CD163L1: variants seen among roughly 807,000 people sequenced by gnomAD.
The protein encoded by CD163L1 is scavenger receptor cysteine-rich type 1 protein M160.
Under a neutral mutation model 165.4 loss-of-function variants are expected in CD163L1, and 124 were observed. The observed-to-expected ratio is 0.75, with a 90% CI of 0.65 to 0.87. The LOEUF is 0.87. Ranked by LOEUF, CD163L1 falls within the 40% of genes least tolerant of loss-of-function variation. The pLI is 0.00. For synonymous variants in CD163L1, 585 were observed against 662.2 expected, an observed-to-expected ratio of 0.88 and a Z score of 1.79; for missense variants, 1,525 against 1,799.9, an observed-to-expected ratio of 0.85 and a Z score of 2.76.
chr12:7,407,782 T>TACACAC (rs57031012), intron 4 of CD163L1, among the ~76,000 whole-genome samples: 102 of 143,988 alleles, frequency 7.1e-4, no homozygotes, highest in Admixed American at 3.3e-3. Flanking sequence ...CACACATCCA[T>TACACAC]ACACACACAC....
the CD163L1 span, among the ~76,000 whole-genome samples, chr12:7,319,205 C>T: frequency 1.3e-5 from 2 of 152,296 alleles, no homozygotes; most frequent in East Asian, 1.9e-4. Context: ...CTAGATCCCT[C>T]ACATGCACAG....
chr12:7,397,502 T>C lies in CD163L1; in HGVS notation c.1729+762A>G, dbSNP rs75309942. Among the ~76,000 whole-genome samples, 522 of 152,328 alleles carry C rather than the reference T, an allele frequency of 3.4e-3. 1 individual carries two copies. Among genetic ancestry groups the C allele is most frequent in the African/African-American group, 0.012 (506 of 41,564 alleles). ...AATTCTGAAAATTAGGATGGGGCCATAGGGGAAGACCTGATGAGGTTGGGA... is the reference window on the plus strand; with the variant it reads ...AATTCTGAAAATTAGGATGGGGCCACAGGGGAAGACCTGATGAGGTTGGGA... On this transcript the variant is annotated intron_variant, in intron 7 of 19. Transcript: ENST00000313599.
the CD163L1 span, chr12:7,324,279 C>A: frequency 6.2e-7 from 1 of 1,612,292 alleles, no homozygotes; most frequent in Non-Finnish European, 8.5e-7. Context: ...CCAGGACAAT[C>A]CACAGAAAAC....
In CD163L1 at chr12:7,368,963, G is replaced by A. The variant is rs1249520169; in HGVS notation, c.4042C>T (p.Gln1348Ter). The A allele has an allele frequency of 6.2e-7, 1 of 1,611,954 alleles. No individual in the cohort carries two copies. The highest frequency in any genetic ancestry group is 8.5e-7 in the Non-Finnish European group (1 of 1,179,440). Residue 1348 changes from glutamine (Q) to a stop codon, truncating the protein, a stop_gained and splice_region_variant, in exon 16 of 20, where the codon CAG becomes TAG. Transcript: ENST00000313599. LOFTEE classifies it high-confidence loss of function. The surrounding 1 kb of genome is among the most constrained non-coding windows in gnomAD (Gnocchi z 4.3). ...KEDAGVRCSG[Q>*]SLKSLNASSG... ...GAGGCATTCAGTGATTTCAGCGACT[G>A]TCCTGAGAGAGAGAGAGAGAGAGAG...
intron 4 of CD163L1, among the ~76,000 whole-genome samples, chr12:7,417,763 G>A (rs901593851): frequency 1.6e-4 from 24 of 151,930 alleles, no homozygotes; most frequent in African/African-American, 4.6e-4. Flanking sequence ...GGATGAAGAC[G>A]ACTTGATCTT....
chr12:7,422,292 A>G (rs568507510), intron 4 of CD163L1, among the ~76,000 whole-genome samples: 7 of 152,204 alleles, frequency 4.6e-5, no homozygotes, highest in Non-Finnish European at 1.0e-4. Flanking sequence ...AAAGGTCTTC[A>G]GCCACAAAGA....
At position 7,432,847 on chromosome 12, in the gene CD163L1, TA is replaced by T. The variant is rs141002179; in HGVS notation, c.446-112del. 6.9e-4 allele frequency: 587 copies of T among 844,962 alleles called. No homozygotes were observed. Among genetic ancestry groups the T allele is most frequent in the South Asian group, 1.4e-3 (49 of 36,182 alleles). 52.3% of individuals were successfully genotyped at this position (844,962 alleles called of 1,614,324 possible). A position where few individuals can be genotyped will look rare whatever the true frequency, so the allele number is the denominator to read the frequency against. The stretch of plus-strand genomic sequence containing the variant: ...TGTTATGAATGAAGTTACCAAAAAT[TA>T]AAAAAAAATAACTGAAAATACTTAT... On this transcript the variant is annotated intron_variant, in intron 3 of 19. Transcript: ENST00000313599. This position sits in a 1 kb window ranked among gnomAD's most constrained non-coding sequence, Gnocchi z 4.2.
At chr12:7,408,754 A>G (rs1246720491) in intron 4 of CD163L1, among the ~76,000 whole-genome samples, 1 of 152,184 alleles carries the variant, frequency 6.6e-6, no homozygotes, top group Non-Finnish European at 1.5e-5. Context: ...CAGCTCTTTG[A>G]GTCAAAACAC....
In CD163L1 at chr12:7,373,654, C is replaced by T. The variant is rs1947192637; in HGVS notation, c.3410-14G>A. 3 of 1,551,412 alleles carry T rather than the reference C, an allele frequency of 1.9e-6. No individual in the cohort carries two copies. The highest frequency in any genetic ancestry group is 4.0e-5 in the Admixed American group (2 of 50,210). Reference sequence around the variant, plus strand: ...AGGCTGTGAATTCTACAGAGAAATACAAAACTTAGTATTAAATATTTCCTT... The same window carrying T: ...AGGCTGTGAATTCTACAGAGAAATATAAAACTTAGTATTAAATATTTCCTT... On this transcript the variant is annotated splice_polypyrimidine_tract_variant and intron_variant, in intron 13 of 19. Coordinates refer to ENST00000313599, the MANE Select transcript of CD163L1 (RefSeq NM_174941.6).
downstream of CD163L1, among the ~76,000 whole-genome samples, chr12:7,351,750 G>T (rs910552679): frequency 1.3e-5 from 2 of 152,086 alleles, no homozygotes; most frequent in African/African-American, 2.4e-5. Flanking sequence ...CCTTGGAAAG[G>T]TGCCTGATTC....
In CD163L1 at chr12:7,374,646, C is replaced by A. The variant is rs749297464; in HGVS notation, c.3205G>T (p.Asp1069Tyr). 7.4e-6 allele frequency: 12 copies of A among 1,614,084 alleles called. No individual in the cohort carries two copies. The highest frequency in any genetic ancestry group is 2.2e-5 in the South Asian group (2 of 91,088). The change falls in exon 13 of 20, where the codon GAT (aspartate) becomes TAT (tyrosine). Residue 1069 changes from aspartate (D) to tyrosine (Y), a missense_variant. Coordinates refer to ENST00000313599, the MANE Select transcript of CD163L1 (RefSeq NM_174941.6). The surrounding 1 kb of genome is among the most constrained non-coding windows in gnomAD (Gnocchi z 5.4). ...TICDDGWDLS[D>Y]AHVVCQKLGC... The stretch of plus-strand genomic sequence containing the variant: ...AGCTTTTGACACACCACGTGGGCAT[C>A]GCTCAGGTCCCAGCCGTCATCACAG...
Position 7,375,790 on chromosome 12 carries a change from C to G in CD163L1, c.2596G>C (p.Gly866Arg). The G allele has an allele frequency of 6.2e-7, 1 of 1,614,228 alleles. No homozygotes were observed. The highest frequency in any genetic ancestry group is 8.5e-7 in the Non-Finnish European group (1 of 1,180,040). Residue 866 changes from glycine (G) to arginine (R), a missense_variant, in exon 10 of 20, where the codon GGG becomes CGG. Coordinates refer to ENST00000313599, the MANE Select transcript of CD163L1 (RefSeq NM_174941.6). ...CATAATGCAAGGTGAGTTTCACTCC[C>G]TTCACACTGGAACTTTTCGGCCCAA... The part of the protein sequence containing the change: ...LTWAEKFQCE[G>R]SETHLALCPI...
At chr12:7,383,951 C>G (rs77339534) in intron 8 of CD163L1, among the ~76,000 whole-genome samples, 23,376 of 152,008 alleles carry the variant, frequency 0.15, 2,100 homozygotes, top group Admixed American at 0.28. Flanking sequence ...AATAATTTCT[C>G]CAGCACCACA....
chr12:7,406,349 G>T (rs1458307199), intron 5 of CD163L1, among the ~76,000 whole-genome samples, 183 bp downstream of exon 5: 2 of 152,140 alleles, frequency 1.3e-5, no homozygotes, highest in African/African-American at 4.8e-5. Context: ...GTAATATGCT[G>T]CATAAAATGC....
intron 18 of CD163L1, among the ~76,000 whole-genome samples, chr12:7,360,757 A>T (rs12314587): frequency 6.6e-6 from 1 of 152,170 alleles, no homozygotes; most frequent in African/African-American, 2.4e-5. Flanking sequence ...CAGTCTTTGT[A>T]TGATAATCCA....
chr12:7,419,751 T>TA (rs1168632948), intron 4 of CD163L1, among the ~76,000 whole-genome samples: 2 of 151,668 alleles, frequency 1.3e-5, no homozygotes, highest in Non-Finnish European at 3.0e-5. Flanking sequence ...CAACTGTTTT[T>TA]ACAATAGCTG....
rs1947818339 is a variant in CD163L1 at position 7,398,220 on chromosome 12, A to G, written c.1729+44T>C. On this transcript the variant is annotated intron_variant, in intron 7 of 19. Coordinates refer to ENST00000313599, the MANE Select transcript of CD163L1 (RefSeq NM_174941.6). The surrounding 1 kb of genome is among the most constrained non-coding windows in gnomAD (Gnocchi z 4.5). ...CCCAGAAGCCCTTCCTATGAGGAATACTATTTCTCTTATCAGGAAATAATA... is the reference window on the plus strand; with the variant it reads ...CCCAGAAGCCCTTCCTATGAGGAATGCTATTTCTCTTATCAGGAAATAATA... The G allele has an allele frequency of 6.4e-7, 1 of 1,553,002 alleles. No homozygotes were observed. Among genetic ancestry groups the G allele is most frequent in the Non-Finnish European group, 8.8e-7 (1 of 1,141,128 alleles).
At position 7,437,329 on chromosome 12, in the gene CD163L1, T is replaced by A. The variant is rs886518646; in HGVS notation, c.125-3635A>T. 6.1e-5 allele frequency among the ~76,000 whole-genome samples: 6 copies of A among 97,962 alleles called. No individual in the cohort carries two copies. In the East Asian group the frequency reaches 8.9e-4, roughly 15 times the overall value. The allele number at this position is 97,962 out of a possible 152,430, so 64.3% of individuals were successfully genotyped here. On this transcript the variant is annotated intron_variant, in intron 2 of 19. Coordinates refer to ENST00000313599, the MANE Select transcript of CD163L1 (RefSeq NM_174941.6). ...TATTAATGAATATTATTTTTATTTT[T>A]ATTTTTATTAATATACTTTTATATT...
downstream of CD163L1, among the ~76,000 whole-genome samples, chr12:7,352,191 A>T (rs987514345): frequency 6.6e-6 from 1 of 152,140 alleles, no homozygotes; most frequent in African/African-American, 2.4e-5. Flanking sequence ...GAACTATAAA[A>T]CTAAACAAAA....
Sources: allele counts gnomAD v4.1 joint callset (sites outside exome capture counted in the v4.1 genomes callset), GRCh38; gene constraint gnomAD v4.1.1; non-coding constraint Gnocchi (gnomAD v3.1); transcripts MANE v1.5; gene names NCBI Gene and HGNC (gene_info 2026-07-23, HGNC 2026-07-21).